The following PRMT2 variants were observed in gnomAD, a reference collection of about 807,000 sequenced individuals.
The protein encoded by PRMT2 is protein arginine N-methyltransferase 2.
Under a neutral mutation model 57.6 loss-of-function variants are expected in PRMT2, and 26 were observed. The observed-to-expected ratio is 0.45, with a 90% CI of 0.33 to 0.63. PRMT2 has a LOEUF of 0.63. Among genes scored for constraint, PRMT2 ranks in the 20% least tolerant of loss-of-function variants. The pLI, the probability that PRMT2 is intolerant of heterozygous loss-of-function variation, is 0.02. For synonymous variants in PRMT2, 219 were observed against 220.0 expected, an observed-to-expected ratio of 1.00 and a Z score of 0.04; for missense variants, 472 against 564.4, an observed-to-expected ratio of 0.84 and a Z score of 1.66.
At chr21:46,639,307 A>G (rs923369559) in intron 3 of PRMT2, among the ~76,000 whole-genome samples, 5 of 152,166 alleles carry the variant, frequency 3.3e-5, no homozygotes, top group African/African-American at 1.2e-4. Flanking sequence ...ACTTGCAAAG[A>G]CTATGTATTC....
chr21:46,654,590 T>TA lies in PRMT2; in HGVS notation c.655-4154dup, dbSNP rs2061513703. 4.6e-5 allele frequency among the ~76,000 whole-genome samples: 7 copies of TA among 152,332 alleles called. No homozygotes were observed. The South Asian group carries it at 1.4e-3, about 32-fold the overall frequency. ...TATCTGTGGGCTCCACATCTGTAGA[T>TA]ACAACCTACATGTATTGAAAATATC... is the stretch of plus-strand genomic sequence containing the variant. On this transcript the variant is annotated intron_variant, in intron 7 of 11. Coordinates refer to ENST00000355680, the MANE Select transcript of PRMT2 (RefSeq NM_206962.4).
chr21:46,654,810 G>T, intron 7 of PRMT2: 1 of 774,696 alleles, frequency 1.3e-6, no homozygotes, highest in Non-Finnish European at 1.6e-6. Context: ...AGCATCCAAG[G>T]ATTTGAATAT....
At chr21:46,653,195 G>T in intron 7 of PRMT2, 1 of 985,420 alleles carries the variant, frequency 1.0e-6, no homozygotes, top group Non-Finnish European at 1.2e-6. Context: ...AGTAACTGCT[G>T]AGGTTAACAA....
In PRMT2 at chr21:46,648,788, T is replaced by A. The variant is rs1048478170; in HGVS notation, c.489+169T>A. Among the ~76,000 whole-genome samples, 27 of 152,142 alleles carry A rather than the reference T, an allele frequency of 1.8e-4. No homozygotes were observed. The highest frequency in any genetic ancestry group is 6.5e-4 in the African/African-American group (27 of 41,428). ...GGGCTCAGGGTCGGTAAAATAGCAG[T>A]GCGTGGAGACCGCGTGCTAGAGGCC... is the stretch of plus-strand genomic sequence containing the variant. On this transcript the variant is annotated intron_variant, in intron 6 of 11. Coordinates refer to ENST00000355680, the MANE Select transcript of PRMT2 (RefSeq NM_206962.4). The surrounding 1 kb of genome is among the most constrained non-coding windows in gnomAD (Gnocchi z 4.8).
chr21:46,649,743 A>AGGGC lies in PRMT2; in HGVS notation c.654+10_654+13dup. On this transcript the variant is annotated splice_donor_region_variant and intron_variant, in intron 7 of 11. Coordinates refer to ENST00000355680, the MANE Select transcript of PRMT2 (RefSeq NM_206962.4). This position sits in a 1 kb window ranked among gnomAD's most constrained non-coding sequence, Gnocchi z 4.8. ...GTGGATGGGGACCTGCCTGCTGGTGAGGGCGGGCGTGCGGGCAGCTGGGGG... is the reference window on the plus strand; with the variant it reads ...GTGGATGGGGACCTGCCTGCTGGTGAGGGCGGGCGGGCGTGCGGGCAGCTGGGGG... 1.2e-6 allele frequency: 2 copies of AGGGC among 1,612,128 alleles called. No homozygotes were observed. The highest frequency in any genetic ancestry group is 1.7e-6 in the Non-Finnish European group (2 of 1,179,288).
At chr21:46,643,492 A>AAAAG (rs2061314220) in intron 3 of PRMT2, 43 bp from the exon 4 acceptor site, 1 of 1,418,956 alleles carries the variant, frequency 7.0e-7, no homozygotes. Context: ...AAAAAAAAAA[A>AAAAG]GCTCCAGCGT....
intron 9 of PRMT2, chr21:46,661,510 C>T (rs2061620381): frequency 4.0e-6 from 1 of 251,992 alleles, no homozygotes; most frequent in Non-Finnish European, 7.5e-6. Context: ...TGGAAAGGCC[C>T]AGCCTGGAGC....
In PRMT2 at chr21:46,649,386, A is replaced by T; in HGVS notation, c.490-189A>T. ...GGAGGTGGGGGCAGTTGGGAGGGTT[A>T]GAGGCGGCTCCTTTCTGGGTGCCCC... On this transcript the variant is annotated intron_variant, in intron 6 of 11. Coordinates refer to ENST00000355680, the MANE Select transcript of PRMT2 (RefSeq NM_206962.4). The surrounding 1 kb of genome is among the most constrained non-coding windows in gnomAD (Gnocchi z 4.8). 1.2e-6 allele frequency: 1 copy of T among 817,920 alleles called. No individual in the cohort carries two copies. 50.7% of individuals were successfully genotyped at this position (817,920 alleles called of 1,614,324 possible).
intron 3 of PRMT2, among the ~76,000 whole-genome samples, chr21:46,640,688 C>G (rs2061256730): frequency 6.6e-6 from 1 of 151,634 alleles, no homozygotes; most frequent in Admixed American, 6.6e-5. Context: ...GGTGATCTGC[C>G]CACCTTGGCC....
intron 8 of PRMT2, 84 bp from the exon 9 acceptor site, chr21:46,660,749 C>CA (rs1374031023): frequency 1.3e-6 from 2 of 1,502,356 alleles, no homozygotes; most frequent in Non-Finnish European, 1.8e-6. Flanking sequence ...GAAGGGAGAG[C>CA]ACTCACCGCG....
At chr21:46,652,833 C>A (rs557068906) in intron 7 of PRMT2, 1 of 1,278,610 alleles carries the variant, frequency 7.8e-7, no homozygotes, top group East Asian at 5.7e-5. Flanking sequence ...CCCTAATTTG[C>A]GTTATCATTA....
intron 3 of PRMT2, among the ~76,000 whole-genome samples, chr21:46,640,438 ATTT>A (rs61531632): frequency 0.032 from 3,733 of 116,352 alleles, 42 homozygotes; most frequent in Middle Eastern, 0.083. Context: ...TTTTGCCTAC[ATTT>A]TTTTTTTTTT....
intron 7 of PRMT2, chr21:46,651,773 G>A: frequency 1.2e-6 from 2 of 1,610,916 alleles, no homozygotes; most frequent in Non-Finnish European, 1.7e-6. Flanking sequence ...AGTCGTTGGT[G>A]CGGTTGTACC....
At position 46,664,198 on chromosome 21, in the gene PRMT2, T is replaced by C. The variant is rs1040537913; in HGVS notation, c.1270-97T>C. On this transcript the variant is annotated intron_variant, in intron 11 of 11. Transcript: ENST00000355680. ...CATTTAAAAAAATTCTGCACCTGAA[T>C]ACTGTTCTCTTGTCCAATATTAAAC... The C allele has an allele frequency of 2.8e-6, 3 of 1,084,610 alleles. No homozygotes were observed. In the African/African-American group the frequency reaches 4.7e-5, roughly 17 times the overall value. The allele number at this position is 1,084,610 out of a possible 1,614,324, so 67.2% of individuals were successfully genotyped here. A position where few individuals can be genotyped will look rare whatever the true frequency, so the allele number is the denominator to read the frequency against.
intron 7 of PRMT2, chr21:46,652,219 C>CA (rs1244865159): frequency 1.5e-6 from 2 of 1,373,318 alleles, no homozygotes; most frequent in South Asian, 3.7e-5. Context: ...AAGGAGGAAA[C>CA]AAAAAAATTG....
At chr21:46,655,589 C>G (rs896588015) in intron 7 of PRMT2, among the ~76,000 whole-genome samples, 8 of 152,070 alleles carry the variant, frequency 5.3e-5, no homozygotes, top group Non-Finnish European at 1.2e-4. Flanking sequence ...ACAGAAAATC[C>G]TAAGGAGTCT....
At chr21:46,654,676 T>C (rs1360135779) in intron 7 of PRMT2, among the ~76,000 whole-genome samples, 2 of 152,234 alleles carry the variant, frequency 1.3e-5, no homozygotes, top group Non-Finnish European at 2.9e-5. Context: ...CAATACAGTA[T>C]AGCAGCTACT....
chr21:46,663,758 A>C (rs1340816548), intron 11 of PRMT2, among the ~76,000 whole-genome samples: 2 of 131,850 alleles, frequency 1.5e-5, no homozygotes, highest in Non-Finnish European at 3.6e-5. Flanking sequence ...GGGCTCTGGA[A>C]GGGAAGTCAG....
rs190008175 is a variant in PRMT2 at position 46,638,259 on chromosome 21, G to A, written c.39+1269G>A. Among the ~76,000 whole-genome samples, 514 of 152,214 alleles carry A rather than the reference G, an allele frequency of 3.4e-3. 6 individuals carry two copies. In the Middle Eastern group the frequency reaches 0.034, roughly 10 times the overall value. On this transcript the variant is annotated intron_variant, in intron 3 of 11. Transcript: ENST00000355680. The stretch of plus-strand genomic sequence containing the variant: ...TGTCCTTGTTATGTGTGTAATGCTG[G>A]TTCAATCCTGCCACTGTAGGGTACT...
Sources: allele counts gnomAD v4.1 joint callset (sites outside exome capture counted in the v4.1 genomes callset), GRCh38; gene constraint gnomAD v4.1.1; non-coding constraint Gnocchi (gnomAD v3.1); transcripts MANE v1.5; gene names NCBI Gene and HGNC (gene_info 2026-07-23, HGNC 2026-07-21).